Variants in PTPRU observed in about 807,000 individuals in gnomAD.
PTPRU encodes the protein protein tyrosine phosphatase receptor type U, also known as receptor-type tyrosine-protein phosphatase U.
Under a neutral mutation model 166.3 loss-of-function variants are expected in PTPRU, and 69 were observed. The observed-to-expected ratio is 0.41, with a 90% confidence interval of 0.34 to 0.51. PTPRU has a LOEUF of 0.51. Among genes scored for constraint, PTPRU ranks in the 20% least tolerant of loss-of-function variants. The probability of loss-of-function intolerance (pLI) is 0.09; values close to 1 mark genes in which losing one functional copy is unlikely to be tolerated. For synonymous variants in PTPRU, 793 were observed against 814.0 expected, an observed-to-expected ratio of 0.97 and a Z score of 0.44; for missense variants, 1,657 against 2,013.7, an observed-to-expected ratio of 0.82 and a Z score of 3.39.
chr1:29,275,492 G>A lies in PTPRU; in HGVS notation c.1189G>A (p.Ala397Thr). 1 of 1,614,176 alleles carries A rather than the reference G, an allele frequency of 6.2e-7. No homozygotes were observed. The highest frequency in any genetic ancestry group is 8.5e-7 in the Non-Finnish European group (1 of 1,180,018). The change falls in exon 8 of 30, where the codon GCC (alanine) becomes ACC (threonine). Residue 397 changes from alanine (A) to threonine (T), a missense_variant. Ala to Thr is a moderately conservative substitution (Grantham distance 58). Transcript: ENST00000373779. ...PKGLAFAEIQARQLTLQWEPL... is the reference protein window; with the variant it reads ...PKGLAFAEIQTRQLTLQWEPL... ...AGGCCTGGCTTTTGCTGAGATCCAG[G>A]CCCGTCAGCTGACCCTGCAGTGGGA... is the stretch of plus-strand genomic sequence containing the variant.
At chr1:29,261,076 G>A (rs1430485069) in intron 7 of PTPRU, among the ~76,000 whole-genome samples, 173 bp downstream of exon 7, 1 of 152,178 alleles carries the variant, frequency 6.6e-6, no homozygotes, top group Non-Finnish European at 1.5e-5. Flanking sequence ...TTTGTGTCAG[G>A]CACTTAAACA....
At chr1:29,239,840 C>T (rs1035052457) in intron 1 of PTPRU, among the ~76,000 whole-genome samples, 1 of 152,148 alleles carries the variant, frequency 6.6e-6, no homozygotes, top group Non-Finnish European at 1.5e-5. Flanking sequence ...CCCTCTTTCC[C>T]TCATGGTGCC....
intron 8 of PTPRU, among the ~76,000 whole-genome samples, chr1:29,277,803 C>CTTTTTTTATTTTTTTTT (rs1685875903): frequency 4.0e-5 from 2 of 50,590 alleles, no homozygotes; most frequent in African/African-American, 9.2e-5. Flanking sequence ...AGTTGTCATT[C>CTTTTTTTATTTTTTTTT]TTTTTTTTTT....
rs1159108440 is a variant in PTPRU at position 29,325,210 on chromosome 1, G to A, written c.4132G>A (p.Gly1378Ser). The change falls in exon 29 of 30, where the codon GGC becomes AGC. Residue 1378 changes from glycine to serine, a missense_variant. Transcript: ENST00000373779. ...ATTCAGAAACGGGGGAGGACGCAGC[G>A]GCACCTTCTGCGCCTGCGCCACGGT... ...VHCLNGGGRS[G>S]TFCACATVLE... 6.2e-7 allele frequency: 1 copy of A among 1,614,052 alleles called. No homozygotes were observed. The highest frequency in any genetic ancestry group is 8.5e-7 in the Non-Finnish European group (1 of 1,180,042).
chr1:29,247,385 G>A (rs1684347079), intron 1 of PTPRU, among the ~76,000 whole-genome samples: 1 of 152,212 alleles, frequency 6.6e-6, no homozygotes, highest in Non-Finnish European at 1.5e-5. Flanking sequence ...TGCACACTGT[G>A]GGCTCTGCTC....
At chr1:29,244,529 G>C (rs1250565974) in intron 1 of PTPRU, among the ~76,000 whole-genome samples, 1 of 152,124 alleles carries the variant, frequency 6.6e-6, no homozygotes, top group Non-Finnish European at 1.5e-5. Context: ...TGCTTAGAAT[G>C]TGTATGTATG....
At chr1:29,294,411 A>G (rs1686789772) in intron 15 of PTPRU, among the ~76,000 whole-genome samples, 2 of 152,116 alleles carry the variant, frequency 1.3e-5, no homozygotes, top group African/African-American at 2.4e-5. Flanking sequence ...CTAATTTTCT[A>G]TTGGGTTTTC....
intron 18 of PTPRU, among the ~76,000 whole-genome samples, 198 bp from the exon 19 acceptor site, chr1:29,310,546 T>A (rs749845308): frequency 6.6e-6 from 1 of 152,098 alleles, no homozygotes; most frequent in African/African-American, 2.4e-5. Flanking sequence ...ACGACTCTGG[T>A]GTCCCAGCTG....
rs774340661 is a variant in PTPRU, at chr1:29,325,625, G to A, written c.4275G>A (p.Val1425=). ...ATCAGTACCACTTTTGCTACGATGTGGCCCTGGAGTACTTGGAGGGGCTGG... is the reference window on the plus strand; with the variant it reads ...ATCAGTACCACTTTTGCTACGATGTAGCCCTGGAGTACTTGGAGGGGCTGG... ...TMDQYHFCYD[V]ALEYLEGLES... The change falls in exon 30 of 30, where the codon GTG becomes GTA. Residue 1425 remains valine (V), a synonymous_variant. Transcript: ENST00000373779. The A allele has an allele frequency of 1.2e-5, 19 of 1,612,440 alleles. No homozygotes were observed. The Admixed American group carries it at 1.8e-4, about 16-fold the overall frequency.
At chr1:29,295,063 A>T (rs1686818892) in intron 15 of PTPRU, among the ~76,000 whole-genome samples, 1 of 152,030 alleles carries the variant, frequency 6.6e-6, no homozygotes, top group Non-Finnish European at 1.5e-5. Flanking sequence ...ATGAGATAGG[A>T]TCTAGCTCTG....
At chr1:29,274,330 C>T (rs1257288925) in intron 7 of PTPRU, among the ~76,000 whole-genome samples, 2 of 152,228 alleles carry the variant, frequency 1.3e-5, no homozygotes, top group Non-Finnish European at 2.9e-5. Flanking sequence ...TGAGCCACCA[C>T]GCCTGGTCGA....
Position 29,291,772 on chromosome 1 carries a change from G to A in PTPRU, c.2319-97G>A. 1 of 1,315,400 alleles carries A rather than the reference G, an allele frequency of 7.6e-7. No individual in the cohort carries two copies. The highest frequency in any genetic ancestry group is 1.1e-6 in the Non-Finnish European group (1 of 948,220). 81.5% of individuals were successfully genotyped at this position (1,315,400 alleles called of 1,614,324 possible). ...CTTCTAGGACAGCTGCTGGCTCCTGGCCTTGAGGTCCCCTTACTCCAGGGC... is the reference window on the plus strand; with the variant it reads ...CTTCTAGGACAGCTGCTGGCTCCTGACCTTGAGGTCCCCTTACTCCAGGGC... On this transcript the variant is annotated intron_variant, in intron 14 of 29. Coordinates refer to ENST00000373779, the MANE Select transcript of PTPRU (RefSeq NM_133178.4). This position sits in a 1 kb window ranked among gnomAD's most constrained non-coding sequence, Gnocchi z 4.1.
At position 29,279,770 on chromosome 1, in the gene PTPRU, C is replaced by A; in HGVS notation, c.1765+113C>A. The A allele has an allele frequency of 1.6e-6, 2 of 1,288,880 alleles. No homozygotes were observed. The highest frequency in any genetic ancestry group is 2.2e-6 in the Non-Finnish European group (2 of 919,316). The allele number at this position is 1,288,880 out of a possible 1,614,324, so 79.8% of individuals were successfully genotyped here. A position where few individuals can be genotyped will look rare whatever the true frequency, so the allele number is the denominator to read the frequency against. Reference sequence around the variant, plus strand: ...TGGGGGTAGTTACAGAGGGCCCCTGCTGAGATAAATATGCCATTTAGGAGT... The same window carrying A: ...TGGGGGTAGTTACAGAGGGCCCCTGATGAGATAAATATGCCATTTAGGAGT... On this transcript the variant is annotated intron_variant, in intron 10 of 29. Coordinates refer to ENST00000373779, the MANE Select transcript of PTPRU (RefSeq NM_133178.4). This position sits in a 1 kb window ranked among gnomAD's most constrained non-coding sequence, Gnocchi z 5.2.
intron 1 of PTPRU, among the ~76,000 whole-genome samples, chr1:29,242,040 C>T (rs888306982): frequency 6.6e-5 from 10 of 151,678 alleles, no homozygotes; most frequent in East Asian, 1.9e-4. Context: ...TACAGGCACC[C>T]GCCACCATGC....
At chr1:29,316,959 T>A (rs1166420788) in intron 24 of PTPRU, among the ~76,000 whole-genome samples, 1 of 151,994 alleles carries the variant, frequency 6.6e-6, no homozygotes, top group Non-Finnish European at 1.5e-5. Context: ...GATCACTGGG[T>A]GGCAGAGACC....
chr1:29,300,741 C>T (rs1486727191), intron 15 of PTPRU, among the ~76,000 whole-genome samples: 2 of 152,178 alleles, frequency 1.3e-5, no homozygotes, highest in African/African-American at 4.8e-5. Context: ...TTCCTGAGAG[C>T]AGAGAAGCAA....
At chr1:29,305,523 G>T in intron 18 of PTPRU, 95 bp downstream of exon 18, 1 of 1,287,768 alleles carries the variant, frequency 7.8e-7, no homozygotes, top group South Asian at 1.2e-5. Flanking sequence ...ATAAATGGGG[G>T]TTCAAATGGC....
intron 12 of PTPRU, chr1:29,283,651 T>C: frequency 2.1e-6 from 1 of 467,780 alleles, no homozygotes; most frequent in Non-Finnish European, 3.8e-6. Flanking sequence ...GCTGGACCTC[T>C]GGCCCTAGGC....
In PTPRU at chr1:29,237,940, C is replaced by T. The variant is rs962480254; in HGVS notation, c.73+1223C>T. Reference sequence around the variant, plus strand: ...GGCGCGGGCAGGGCCTGGCTCGCCGCCGGGGGACGGCGCCCCCTCCCTTGG... The same window carrying T: ...GGCGCGGGCAGGGCCTGGCTCGCCGTCGGGGGACGGCGCCCCCTCCCTTGG... On this transcript the variant is annotated intron_variant, in intron 1 of 29. Transcript: ENST00000373779. This position sits in a 1 kb window ranked among gnomAD's most constrained non-coding sequence, Gnocchi z 6.4. 4.0e-5 allele frequency among the ~76,000 whole-genome samples: 6 copies of T among 150,172 alleles called. No individual in the cohort carries two copies. The highest frequency in any genetic ancestry group is 4.0e-4 in the Admixed American group (6 of 15,110).
Sources: allele counts gnomAD v4.1 joint callset (sites outside exome capture counted in the v4.1 genomes callset), GRCh38; gene constraint gnomAD v4.1.1; non-coding constraint Gnocchi (gnomAD v3.1); transcripts MANE v1.5; gene names NCBI Gene and HGNC (gene_info 2026-07-23, HGNC 2026-07-21).